SLC43A2: variants seen among roughly 807,000 people sequenced by gnomAD.
SLC43A2 encodes large neutral amino acids transporter small subunit 4.
A neutral mutation model predicts 63.2 loss-of-function variants in SLC43A2; 38 were observed. That is an observed-to-expected ratio of 0.60 (90% CI 0.46 to 0.79). SLC43A2 has a LOEUF of 0.79. Ranked by LOEUF, SLC43A2 falls within the 30% of genes least tolerant of loss-of-function variation. The pLI is 0.00. For synonymous variants in SLC43A2, 322 were observed against 331.0 expected (o/e 0.97, Z 0.30); for missense variants, 644 against 756.2 (o/e 0.85, Z 1.74).
chr17:1,575,632 C>G lies in SLC43A2; in HGVS notation c.1682G>C (p.Gly561Ala), dbSNP rs1282734424. 1 of 1,614,120 alleles carries G rather than the reference C, an allele frequency of 6.2e-7. No homozygotes were observed. Residue 561 changes from glycine to alanine, a missense_variant, in exon 14 of 14, where the codon GGC (glycine) becomes GCC (alanine). Around this residue, in one of 3 missense-constraint regions of SLC43A2, gnomAD observed 105 missense variants for 101.7 expected, o/e 1.03. Transcript: ENST00000301335. ...EDDKLFLKINGSSNQEAFV is the reference protein window; with the variant it reads ...EDDKLFLKINASSNQEAFV ...CACGAAGGCCTCCTGGTTGGACGAG[C>G]CGTTGATTTTGAGGAAGAGTTTGTC...
intron 7 of SLC43A2, 32 bp downstream of exon 7, chr17:1,591,534 G>C (rs775810085): frequency 1.3e-6 from 2 of 1,585,260 alleles, no homozygotes; most frequent in East Asian, 2.3e-5. Flanking sequence ...GCGGGGGCTG[G>C]GGGCAGGCGG....
At chr17:1,580,805 A>G (rs1171225391) in intron 11 of SLC43A2, among the ~76,000 whole-genome samples, 1 of 147,424 alleles carries the variant, frequency 6.8e-6, no homozygotes, top group African/African-American at 2.5e-5. Context: ...ATCTCAGTTC[A>G]CTGCAGCCTC....
At chr17:1,585,286 G>A in intron 10 of SLC43A2, 1 of 987,310 alleles carries the variant, frequency 1.0e-6, no homozygotes, top group South Asian at 3.8e-5. Context: ...TGTTGCCCAG[G>A]CTGGAAGTGC....
intron 9 of SLC43A2, 31 bp from the exon 10 acceptor site, chr17:1,586,082 G>T (rs764867587): frequency 6.5e-7 from 1 of 1,549,114 alleles, no homozygotes. Flanking sequence ...TCATGGGGAC[G>T]CCTGGCAGAC....
chr17:1,598,119 CAAAGAAAG>C (rs56678559), intron 5 of SLC43A2, among the ~76,000 whole-genome samples: 2 of 151,174 alleles, frequency 1.3e-5, no homozygotes, highest in Non-Finnish European at 2.9e-5. Flanking sequence ...ACAGCCGGCG[CAAAGAAAG>C]AAAGAAAGAA....
intron 2 of SLC43A2, among the ~76,000 whole-genome samples, chr17:1,618,112 G>A (rs1329002212): frequency 1.3e-5 from 2 of 152,220 alleles, no homozygotes; most frequent in African/African-American, 2.4e-5. Context: ...CAGGCCTCTC[G>A]GGGTTCCTCC....
chr17:1,586,128 G>GGGCTGGT, intron 9 of SLC43A2, 77 bp from the exon 10 acceptor site: 3 of 1,492,782 alleles, frequency 2.0e-6, no homozygotes, highest in Non-Finnish European at 2.7e-6. Flanking sequence ...AGCTGGGAAG[G>GGGCTGGT]GGCTGGTCCC....
intron 5 of SLC43A2, among the ~76,000 whole-genome samples, chr17:1,600,720 G>A (rs1311248652): frequency 6.6e-6 from 1 of 151,412 alleles, no homozygotes; most frequent in Non-Finnish European, 1.5e-5. Flanking sequence ...ATGACATCCA[G>A]GTAATTTTTG....
intron 11 of SLC43A2, among the ~76,000 whole-genome samples, chr17:1,581,874 C>T (rs527259894): frequency 2.5e-4 from 38 of 151,110 alleles, no homozygotes; most frequent in Non-Finnish European, 4.0e-4. Flanking sequence ...GGCGCAATCT[C>T]GGCTCACTGC....
chr17:1,616,890 C>A, intron 2 of SLC43A2, 121 bp from the exon 3 acceptor site: 1 of 1,134,476 alleles, frequency 8.8e-7, no homozygotes, highest in Non-Finnish European at 1.2e-6. Context: ...CTGGCGGCCT[C>A]TCGAGGGCTC....
chr17:1,578,576 G>T lies in SLC43A2; in HGVS notation c.1351-253C>A. ...GAAGTCTTGCTTTGTCGCCCAGGCT[G>T]GAGTGCAGTGGCGTGATCTTGGCTC... On this transcript the variant is annotated intron_variant, in intron 11 of 13. Transcript: ENST00000301335. This position sits in a 1 kb window ranked among gnomAD's most constrained non-coding sequence, Gnocchi z 6.5. 1 of 491,444 alleles carries T rather than the reference G, an allele frequency of 2.0e-6. No homozygotes were observed. Among genetic ancestry groups the T allele is most frequent in the Non-Finnish European group, 3.7e-6 (1 of 272,200 alleles). 30.4% of individuals were successfully genotyped at this position (491,444 alleles called of 1,614,324 possible). A position where few individuals can be genotyped will look rare whatever the true frequency, so the allele number is the denominator to read the frequency against.
intron 11 of SLC43A2, among the ~76,000 whole-genome samples, chr17:1,582,607 C>T (rs920150165): frequency 2.6e-5 from 4 of 152,164 alleles, no homozygotes; most frequent in East Asian, 3.8e-4. Context: ...GTGGTATCCA[C>T]GGTTATGCAA....
At position 1,627,771 on chromosome 17, in the gene SLC43A2, G is replaced by A; in HGVS notation, c.104C>T (p.Ser35Leu). 6.3e-7 allele frequency: 1 copy of A among 1,598,020 alleles called. No individual in the cohort carries two copies. Among genetic ancestry groups the A allele is most frequent in the Admixed American group, 1.7e-5 (1 of 57,818 alleles). The change falls in exon 2 of 14, where the codon TCG becomes TTG. Residue 35 changes from serine (S) to leucine (L), a missense_variant. This residue lies in a region of SLC43A2 where 528 missense variants were observed against 623.6 expected (regional missense o/e 0.85). Transcript: ENST00000301335. ...LFSAVLLGWG[S>L]LLIMLKSEGF... Reference sequence around the variant, plus strand: ...CTCTGACTTGAGCATGATGAGCAGCGAGCCCCAGCCCAGGAGGACTGCCGA... The same window carrying A: ...CTCTGACTTGAGCATGATGAGCAGCAAGCCCCAGCCCAGGAGGACTGCCGA...
chr17:1,586,936 A>ACCC, intron 9 of SLC43A2: 1 of 501,652 alleles, frequency 2.0e-6, no homozygotes, highest in Non-Finnish European at 3.2e-6. Flanking sequence ...AATCCCCCCC[A>ACCC]CCCCCCGCTT....
chr17:1,594,778 C>T lies in SLC43A2; in HGVS notation c.502-1499G>A, dbSNP rs550763638. Among the ~76,000 whole-genome samples, 125 of 151,708 alleles carry T rather than the reference C, an allele frequency of 8.2e-4. 1 individual carries two copies. The highest frequency in any genetic ancestry group is 1.6e-3 in the Admixed American group (25 of 15,228). ...AATTTTTTTGTATTTTCAGTAGAGACGGGGTTTCACCACGTTAGCCAGGAT... is the reference window on the plus strand; with the variant it reads ...AATTTTTTTGTATTTTCAGTAGAGATGGGGTTTCACCACGTTAGCCAGGAT... On this transcript the variant is annotated intron_variant, in intron 5 of 13. Coordinates refer to ENST00000301335, the MANE Select transcript of SLC43A2 (RefSeq NM_152346.3).
intron 5 of SLC43A2, among the ~76,000 whole-genome samples, chr17:1,604,218 T>G (rs1157749667): frequency 6.6e-6 from 1 of 151,934 alleles, no homozygotes; most frequent in Non-Finnish European, 1.5e-5. Flanking sequence ...CCAGCTAATT[T>G]TTTTTTTGTA....
At chr17:1,618,172 G>T (rs528592290) in intron 2 of SLC43A2, among the ~76,000 whole-genome samples, 20 of 152,254 alleles carry the variant, frequency 1.3e-4, no homozygotes, top group Non-Finnish European at 2.5e-4. Flanking sequence ...TCATGCCAAC[G>T]TGTGGCCAAG....
At chr17:1,591,519 G>C (rs781151270) in intron 7 of SLC43A2, 47 bp downstream of exon 7, 7 of 1,608,508 alleles carry the variant, frequency 4.4e-6, no homozygotes, top group Non-Finnish European at 5.9e-6. Flanking sequence ...GACCCCGGCT[G>C]GGGGGCGGGG....
At chr17:1,591,874 G>A (rs1490608560) in intron 6 of SLC43A2, among the ~76,000 whole-genome samples, 175 bp from the exon 7 acceptor site, 1 of 152,122 alleles carries the variant, frequency 6.6e-6, no homozygotes, top group Non-Finnish European at 1.5e-5. Context: ...CCGCCTTCCA[G>A]TCCTCCCACC....
Sources: gnomAD v4.1 joint callset for allele counts (sites outside exome capture counted in the v4.1 genomes callset) on GRCh38, gnomAD v4.1.1 for gene constraint, gnomAD v4.1.1 regional missense constraint, Gnocchi (gnomAD v3.1) non-coding constraint, MANE v1.5 for transcripts, NCBI Gene and HGNC (gene_info 2026-07-23, HGNC 2026-07-21) for gene names.